The following ARHGEF18 variants were observed in gnomAD, a reference collection of about 807,000 sequenced individuals.
ARHGEF18 encodes the protein rho guanine nucleotide exchange factor 18.
Under a neutral mutation model 155.7 loss-of-function variants are expected in ARHGEF18, and 93 were observed. That is an observed-to-expected ratio of 0.60 (90% CI 0.50 to 0.71). The LOEUF (loss-of-function observed/expected upper bound fraction) is 0.71. Among genes scored for constraint, ARHGEF18 ranks in the 30% least tolerant of loss-of-function variants. The pLI is 0.00. For synonymous variants in ARHGEF18, 742 were observed against 753.1 expected, an observed-to-expected ratio of 0.99 and a Z score of 0.24; for missense variants, 1,593 against 1,816.1, an observed-to-expected ratio of 0.88 and a Z score of 2.23.
chr19:7,362,300 GAGA>G (rs1969658970), intron 1 of ARHGEF18, among the ~76,000 whole-genome samples: 2 of 150,624 alleles, frequency 1.3e-5, no homozygotes, highest in Admixed American at 6.6e-5. Context: ...GAGGAAGAAG[GAGA>G]AGGAGGAAGA....
chr19:7,449,504 C>T (rs1293141893), intron 15 of ARHGEF18, among the ~76,000 whole-genome samples: 2 of 151,948 alleles, frequency 1.3e-5, no homozygotes, highest in Non-Finnish European at 2.9e-5. Flanking sequence ...ACTTGGGAGG[C>T]GGAGGTTGCA....
At chr19:7,450,443 G>C (rs560296033) in intron 15 of ARHGEF18, among the ~76,000 whole-genome samples, 2 of 51,290 alleles carry the variant, frequency 3.9e-5, no homozygotes, top group African/African-American at 1.5e-4. Context: ...TTCCGTTTCC[G>C]TTTCCGAGAT....
intron 3 of ARHGEF18, among the ~76,000 whole-genome samples, chr19:7,375,105 G>C (rs769386016): frequency 6.6e-6 from 1 of 151,844 alleles, no homozygotes; most frequent in African/African-American, 2.4e-5. Context: ...AACCCTGTCT[G>C]TACTAAAAAT....
chr19:7,478,428 A>T, the ARHGEF18 span: 1 of 1,559,304 alleles, frequency 6.4e-7, no homozygotes, highest in African/African-American at 1.3e-5. Context: ...CAGGAGGGTT[A>T]GCTCCACAAC....
chr19:7,398,704 A>G (rs181852216), intron 10 of ARHGEF18, among the ~76,000 whole-genome samples: 11,389 of 147,108 alleles, frequency 0.077, 1,425 homozygotes, highest in African/African-American at 0.28. Context: ...AAAAAAAAAA[A>G]AAATAAAGAA....
rs1261627699 is a variant in ARHGEF18, at chr19:7,408,537, C to T, written c.967+25334C>T. Among the ~76,000 whole-genome samples, 5 of 152,190 alleles carry T rather than the reference C, an allele frequency of 3.3e-5. No homozygotes were observed. In the East Asian group the frequency reaches 7.7e-4, roughly 23 times the overall value. ...GTCTGACTAAATTTGGCGAGGGATG[C>T]GGGTTAGGGAACAGGAGGCCCTCAC... On this transcript the variant is annotated intron_variant, in intron 10 of 28. Coordinates refer to ENST00000668164, the MANE Select transcript of ARHGEF18 (RefSeq NM_001367823.1).
chr19:7,413,065 T>A (rs1455350055), intron 10 of ARHGEF18, among the ~76,000 whole-genome samples: 1 of 152,066 alleles, frequency 6.6e-6, no homozygotes. Context: ...ATCAAACACA[T>A]GGAAATAGAA....
intron 19 of ARHGEF18, 53 bp downstream of exon 19, chr19:7,458,743 T>C (rs1976010700): frequency 1.3e-6 from 2 of 1,555,572 alleles, no homozygotes. Context: ...CGCTGATTGG[T>C]CCACCCTTGG....
At position 7,432,057 on chromosome 19, in the gene ARHGEF18, T is replaced by C. The variant is rs138534012; in HGVS notation, c.968-8287T>C. ...AGATGTCTTTTTTAATTTTTCTTTG[T>C]CCCCTGAGGTGCGGGATGAAGGGGT... is the stretch of plus-strand genomic sequence containing the variant. On this transcript the variant is annotated intron_variant, in intron 10 of 28. Coordinates refer to ENST00000668164, the MANE Select transcript of ARHGEF18 (RefSeq NM_001367823.1). Among the ~76,000 whole-genome samples, 4 of 152,254 alleles carry C rather than the reference T, an allele frequency of 2.6e-5. No individual in the cohort carries two copies. The East Asian group carries it at 7.7e-4, about 29-fold the overall frequency.
intron 10 of ARHGEF18, among the ~76,000 whole-genome samples, chr19:7,438,354 A>C (rs1600440321): frequency 6.9e-6 from 1 of 145,814 alleles, no homozygotes; most frequent in African/African-American, 2.5e-5. Context: ...TTCCACCTCT[A>C]CCTCCCAAAC....
chr19:7,473,085 C>T (rs1179179199), downstream of ARHGEF18: 3 of 456,110 alleles, frequency 6.6e-6, no homozygotes, highest in East Asian at 6.9e-5. Flanking sequence ...GCTTTTAATC[C>T]ACAATAACCG....
chr19:7,370,776 C>T (rs1336582117), intron 2 of ARHGEF18, among the ~76,000 whole-genome samples: 4 of 152,196 alleles, frequency 2.6e-5, no homozygotes, highest in Admixed American at 6.5e-5. Context: ...CATGCTGCAA[C>T]GTGGAGGAAT....
At chr19:7,418,797 G>A (rs1392737201) in intron 10 of ARHGEF18, among the ~76,000 whole-genome samples, 1 of 152,038 alleles carries the variant, frequency 6.6e-6, no homozygotes, top group Non-Finnish European at 1.5e-5. Flanking sequence ...GGGAGAGAGG[G>A]AGGAGAGGAG....
At chr19:7,387,474 TTTTG>T (rs1385914168) in intron 10 of ARHGEF18, among the ~76,000 whole-genome samples, 1 of 151,988 alleles carries the variant, frequency 6.6e-6, no homozygotes, top group Non-Finnish European at 1.5e-5. Flanking sequence ...TTTTGAGTTT[TTTTG>T]TTTGTTTGCA....
chr19:7,351,294 G>A (rs997588412), intron 1 of ARHGEF18, among the ~76,000 whole-genome samples: 14 of 149,168 alleles, frequency 9.4e-5, no homozygotes, highest in Non-Finnish European at 1.5e-4. Flanking sequence ...AAGTCTGCTA[G>A]AGTGGACTTC....
rs140286963 is a variant in ARHGEF18 at position 7,422,619 on chromosome 19, A to G, written c.968-17725A>G. Among the ~76,000 whole-genome samples the G allele has an allele frequency of 5.9e-3, 900 of 152,030 alleles. 5 individuals carry two copies. The highest frequency in any genetic ancestry group is 0.021 in the African/African-American group (858 of 41,454). On this transcript the variant is annotated intron_variant, in intron 10 of 28. Transcript: ENST00000668164. ...TTGGCGATCCCATCATCCTTTGCTA[A>G]CACACCACCTCCTGGATCACCTGGG...
intron 10 of ARHGEF18, among the ~76,000 whole-genome samples, chr19:7,398,911 G>T (rs995435853): frequency 9.2e-5 from 14 of 152,298 alleles, no homozygotes; most frequent in Admixed American, 6.5e-4. Context: ...GTGACTGGCT[G>T]TGCCTCCCTG....
chr19:7,376,496 G>T (rs146460039), intron 4 of ARHGEF18, 147 bp from the exon 5 acceptor site: 4,408 of 419,992 alleles, frequency 0.01, 25 homozygotes, highest in Middle Eastern at 0.024. Flanking sequence ...TGGCTGGGGG[G>T]AGTGGCTGGA....
At chr19:7,349,638 C>T (rs1244043886) in intron 1 of ARHGEF18, among the ~76,000 whole-genome samples, 2 of 151,874 alleles carry the variant, frequency 1.3e-5, no homozygotes, top group African/African-American at 2.4e-5. Context: ...ATTAGCCAGG[C>T]GTGGTGGCGG....
Sources: allele counts gnomAD v4.1 joint callset (sites outside exome capture counted in the v4.1 genomes callset), GRCh38; gene constraint gnomAD v4.1.1; transcripts MANE v1.5; gene names NCBI Gene and HGNC (gene_info 2026-07-23, HGNC 2026-07-21).